The following RASGRF1 variants were observed in gnomAD, a reference collection of about 807,000 sequenced individuals.
The protein encoded by RASGRF1 is Ras protein specific guanine nucleotide releasing factor 1.
A neutral mutation model predicts 138.7 loss-of-function variants in RASGRF1; 40 were observed. The observed-to-expected ratio is 0.29, with a 90% CI of 0.22 to 0.38. The LOEUF (loss-of-function observed/expected upper bound fraction) is 0.38. RASGRF1 is among the 10% of genes least tolerant of loss of function. The pLI is 1.00. For synonymous variants in RASGRF1, 614 were observed against 663.2 expected, an observed-to-expected ratio of 0.93 and a Z score of 1.14; for missense variants, 1,108 against 1,650.4, an observed-to-expected ratio of 0.67 and a Z score of 5.69.
chr15:79,024,019 TCACACA>T (rs79187609), intron 10 of RASGRF1, among the ~76,000 whole-genome samples: 7 of 149,284 alleles, frequency 4.7e-5, no homozygotes, highest in Non-Finnish European at 7.4e-5. Context: ...GATACACACA[TCACACA>T]CACACACACA....
intron 20 of RASGRF1, among the ~76,000 whole-genome samples, chr15:78,993,075 G>GTGCCAT (rs2056305214): frequency 1.2e-4 from 18 of 148,314 alleles, no homozygotes; most frequent in Non-Finnish European, 1.6e-4. Context: ...TGGTGTGTGT[G>GTGCCAT]GTGTGTGGGT....
Position 79,018,613 on chromosome 15 carries a change from C to G in RASGRF1, c.1607-707G>C, listed in dbSNP as rs538337608. On this transcript the variant is annotated intron_variant, in intron 11 of 26. Transcript: ENST00000558480. ...TGTGATGTTGAGGTGGTTTCCTTCCCCCTCTGGGCTTCAGATGTCCTCCTG... is the reference window on the plus strand; with the variant it reads ...TGTGATGTTGAGGTGGTTTCCTTCCGCCTCTGGGCTTCAGATGTCCTCCTG... 2.6e-3 allele frequency among the ~76,000 whole-genome samples: 391 copies of G among 152,302 alleles called. 3 individuals carry two copies. The highest frequency in any genetic ancestry group is 8.9e-3 in the African/African-American group (368 of 41,552).
chr15:79,004,491 C>T (rs1034282416), intron 14 of RASGRF1, among the ~76,000 whole-genome samples: 2 of 152,042 alleles, frequency 1.3e-5, no homozygotes, highest in Admixed American at 6.5e-5. Context: ...CTGTGCAAAA[C>T]CCCCCTCCAT....
At chr15:79,074,547 C>T (rs1415319001) in intron 1 of RASGRF1, among the ~76,000 whole-genome samples, 2 of 152,224 alleles carry the variant, frequency 1.3e-5, no homozygotes, top group Non-Finnish European at 2.9e-5. Flanking sequence ...TCCACTACCA[C>T]ACCTGGAAGG....
chr15:79,029,945 G>A (rs2057113803), intron 8 of RASGRF1, among the ~76,000 whole-genome samples: 1 of 152,318 alleles, frequency 6.6e-6, no homozygotes, highest in East Asian at 1.9e-4. Context: ...TCAGCAAGGA[G>A]GAGCCTGCTG....
At chr15:79,005,181 C>T (rs925250970) in intron 14 of RASGRF1, 2 of 985,500 alleles carry the variant, frequency 2.0e-6, no homozygotes, top group Non-Finnish European at 1.2e-6. Flanking sequence ...TACCCTGCCC[C>T]AGTGAGGCCT....
Position 78,973,479 on chromosome 15 carries a change from G to A in RASGRF1, c.3495-59C>T, listed in dbSNP as rs2055812566. On this transcript the variant is annotated intron_variant, in intron 24 of 26. Transcript: ENST00000558480. The surrounding 1 kb of genome is among the most constrained non-coding windows in gnomAD (Gnocchi z 4.9). ...ATTTTAAAAAAGTAACGTCTACCAA[G>A]AACAGAACATCCCGCATGCACCTTT... The A allele has an allele frequency of 1.6e-6, 2 of 1,286,044 alleles. No homozygotes were observed. Among genetic ancestry groups the A allele is most frequent in the Middle Eastern group, 1.9e-4 (1 of 5,336 alleles). 79.7% of individuals were successfully genotyped at this position (1,286,044 alleles called of 1,614,324 possible). A position where few individuals can be genotyped will look rare whatever the true frequency, so the allele number is the denominator to read the frequency against.
At chr15:79,062,403 C>G (rs771503249) in intron 2 of RASGRF1, among the ~76,000 whole-genome samples, 28 of 152,296 alleles carry the variant, frequency 1.8e-4, no homozygotes, top group Admixed American at 7.2e-4. Flanking sequence ...ATGCTACTCC[C>G]CTTGTATAAA....
chr15:78,988,104 G>C (rs1165941960), intron 22 of RASGRF1, among the ~76,000 whole-genome samples: 2 of 152,200 alleles, frequency 1.3e-5, no homozygotes, highest in African/African-American at 4.8e-5. Flanking sequence ...TCGTTACAAG[G>C]GCAGCTTCTG....
rs557254902 is a variant in RASGRF1, at chr15:78,979,877, C to G, written c.3494+743G>C. ...GAAGCAGCCTTATCCTGATGGTTGT[C>G]AAGTGGGGAGGATTTTGCCCCCTAG... On this transcript the variant is annotated intron_variant, in intron 24 of 26. Coordinates refer to ENST00000558480, the MANE Select transcript of RASGRF1 (RefSeq NM_001145648.3). Among the ~76,000 whole-genome samples, 338 of 152,320 alleles carry G rather than the reference C, an allele frequency of 2.2e-3. 4 individuals are homozygous for G. Among genetic ancestry groups the G allele is most frequent in the African/African-American group, 7.4e-3 (309 of 41,558 alleles).
chr15:79,035,219 G>A lies in RASGRF1; in HGVS notation c.879-9C>T. 1 of 1,609,566 alleles carries A rather than the reference G, an allele frequency of 6.2e-7. No individual in the cohort carries two copies. On this transcript the variant is annotated splice_polypyrimidine_tract_variant and intron_variant, in intron 5 of 26. Coordinates refer to ENST00000558480, the MANE Select transcript of RASGRF1 (RefSeq NM_001145648.3). ...AAAACATGATGGTTTCGCTGAAAGA[G>A]AAAGCACAGGGTCAGCTCTGCCCCA...
intron 23 of RASGRF1, chr15:78,984,620 C>T (rs202201158): frequency 4.0e-5 from 11 of 275,102 alleles, no homozygotes; most frequent in South Asian, 2.2e-4. Flanking sequence ...TGTCCTCTGA[C>T]GGAAGGGTCC....
At chr15:78,992,658 G>C (rs950254954) in intron 20 of RASGRF1, among the ~76,000 whole-genome samples, 1 of 152,158 alleles carries the variant, frequency 6.6e-6, no homozygotes, top group Non-Finnish European at 1.5e-5. Context: ...GGAGGAGAGC[G>C]GTCAACCCCT....
At chr15:79,024,965 C>T (rs997729770) in intron 10 of RASGRF1, among the ~76,000 whole-genome samples, 1 of 151,632 alleles carries the variant, frequency 6.6e-6, no homozygotes, top group African/African-American at 2.4e-5. Context: ...ACAAAAACAC[C>T]ACACATACAT....
rs758559652 is a variant in RASGRF1, at chr15:79,004,114, T to TG, written c.2136dup (p.Lys713GlnfsTer87). On this transcript the variant is annotated frameshift_variant, in exon 15 of 27. Transcript: ENST00000558480. LOFTEE classifies it high-confidence loss of function. ...AACTTGCGGGTGGCGCGCGGGGACT[T>TG]GGGGGGTTCACCGTACAGGAGCTTA... 1 of 1,613,232 alleles carries TG rather than the reference T, an allele frequency of 6.2e-7. No individual in the cohort carries two copies. Among genetic ancestry groups the TG allele is most frequent in the Non-Finnish European group, 8.5e-7 (1 of 1,179,788 alleles).
In RASGRF1 at chr15:78,985,118, A is replaced by G. The variant is rs368529149; in HGVS notation, c.3303T>C (p.Ala1101=). 2 of 1,612,730 alleles carry G rather than the reference A, an allele frequency of 1.2e-6. No homozygotes were observed. The highest frequency in any genetic ancestry group is 1.7e-6 in the Non-Finnish European group (2 of 1,179,316). ...AGTTGTGGAGGCAGCGGCATATGTC[A>G]GCTACGGCCACCCACTTCTCGATGG... ...VSAIEKWVAV[A]DICRCLHNYN... The change falls in exon 23 of 27, where the codon GCT becomes GCC. Residue 1101 remains alanine, a synonymous_variant. Coordinates refer to ENST00000558480, the MANE Select transcript of RASGRF1 (RefSeq NM_001145648.3).
chr15:78,994,926 C>T (rs866600983), intron 20 of RASGRF1, among the ~76,000 whole-genome samples: 3,960 of 136,024 alleles, frequency 0.029, 239 homozygotes, highest in African/African-American at 0.081. Context: ...CTTCCAGCAC[C>T]TTTTTTTTTT....
At chr15:79,012,166 C>G (rs1444833222) in intron 13 of RASGRF1, among the ~76,000 whole-genome samples, 1 of 152,166 alleles carries the variant, frequency 6.6e-6, no homozygotes, top group Non-Finnish European at 1.5e-5. Flanking sequence ...CATGACATCA[C>G]TCTCCTCGAC....
chr15:79,002,669 A>C (rs1345350940), intron 15 of RASGRF1, among the ~76,000 whole-genome samples: 1 of 152,238 alleles, frequency 6.6e-6, no homozygotes, highest in Admixed American at 6.5e-5. Flanking sequence ...GTTACATTTC[A>C]GAATGTGAAA....
Sources: gnomAD v4.1 joint callset for allele counts (sites outside exome capture counted in the v4.1 genomes callset) on GRCh38, gnomAD v4.1.1 for gene constraint, Gnocchi (gnomAD v3.1) non-coding constraint, MANE v1.5 for transcripts, NCBI Gene and HGNC (gene_info 2026-07-23, HGNC 2026-07-21) for gene names.